The following KCNJ3 variants were observed in gnomAD, a reference collection of about 807,000 sequenced individuals.
KCNJ3 encodes the protein G protein-activated inward rectifier potassium channel 1.
KCNJ3 carries 4 observed loss-of-function variants against 39.2 expected under a neutral mutation model. The observed-to-expected ratio is 0.10, with a 90% confidence interval of 0.05 to 0.23. KCNJ3 has a LOEUF of 0.23. KCNJ3 is among the 10% of genes least tolerant of loss of function. The probability of loss-of-function intolerance (pLI) is 1.00; values close to 1 mark genes in which losing one functional copy is unlikely to be tolerated. For synonymous variants in KCNJ3, 230 were observed against 237.4 expected, an observed-to-expected ratio of 0.97 and a Z score of 0.29; for missense variants, 276 against 634.9, an observed-to-expected ratio of 0.43 and a Z score of 6.08.
At chr2:154,739,986 T>C (rs1440834257) in intron 2 of KCNJ3, among the ~76,000 whole-genome samples, 1 of 151,972 alleles carries the variant, frequency 6.6e-6, no homozygotes, top group Non-Finnish European at 1.5e-5. Flanking sequence ...GGTATAGAAA[T>C]GGAAAGGACT....
intron 2 of KCNJ3, among the ~76,000 whole-genome samples, chr2:154,838,887 A>ATAAT (rs1574481857): frequency 6.6e-6 from 1 of 151,800 alleles, no homozygotes; most frequent in South Asian, 2.1e-4. Flanking sequence ...GTTTTCCAAA[A>ATAAT]TAATTAAATT....
intron 2 of KCNJ3, among the ~76,000 whole-genome samples, chr2:154,802,646 C>A (rs1027734856): frequency 1.3e-5 from 2 of 152,118 alleles, no homozygotes; most frequent in African/African-American, 2.4e-5. Context: ...ATTCCCAGTT[C>A]TCTTTCATAT....
chr2:154,793,861 A>G (rs1686677872), intron 2 of KCNJ3, among the ~76,000 whole-genome samples: 2 of 152,076 alleles, frequency 1.3e-5, no homozygotes, highest in African/African-American at 2.4e-5. Context: ...GGGAATGGCT[A>G]TGGATTAAAT....
chr2:154,768,667 C>T (rs1467865768), intron 2 of KCNJ3, among the ~76,000 whole-genome samples: 9 of 152,078 alleles, frequency 5.9e-5, no homozygotes, highest in East Asian at 1.9e-4. Context: ...CTTGGCAATG[C>T]GGGCTCTTTT....
At chr2:154,749,573 G>T (rs1356290780) in intron 2 of KCNJ3, among the ~76,000 whole-genome samples, 2 of 152,020 alleles carry the variant, frequency 1.3e-5, no homozygotes, top group Non-Finnish European at 2.9e-5. Context: ...TGTACTGCAA[G>T]ATCATGCATT....
chr2:154,764,717 C>T (rs1471975133), intron 2 of KCNJ3, among the ~76,000 whole-genome samples: 2 of 151,926 alleles, frequency 1.3e-5, no homozygotes, highest in Admixed American at 6.6e-5. Flanking sequence ...AAAAAAAGAT[C>T]TGGGCATAAA....
chr2:154,768,708 T>A (rs1191793608), intron 2 of KCNJ3, among the ~76,000 whole-genome samples: 1 of 152,212 alleles, frequency 6.6e-6, no homozygotes, highest in East Asian at 1.9e-4. Context: ...AAGTAGTTTT[T>A]TCTAATTCTG....
chr2:154,810,836 T>C (rs1247595916), intron 2 of KCNJ3, among the ~76,000 whole-genome samples: 2 of 144,434 alleles, frequency 1.4e-5, no homozygotes, highest in Non-Finnish European at 3.1e-5. Flanking sequence ...GCTAAAGACA[T>C]ATCTAAATAC....
chr2:154,751,663 A>G (rs987772058), intron 2 of KCNJ3, among the ~76,000 whole-genome samples: 3 of 152,082 alleles, frequency 2.0e-5, no homozygotes, highest in African/African-American at 7.2e-5. Context: ...CTATTATAGT[A>G]GTTTGTTAGG....
intron 2 of KCNJ3, among the ~76,000 whole-genome samples, chr2:154,816,757 T>G (rs1687088830): frequency 6.6e-6 from 1 of 152,182 alleles, no homozygotes; most frequent in Non-Finnish European, 1.5e-5. Flanking sequence ...TAGGAAAAAC[T>G]GATTTTCCTG....
chr2:154,712,125 G>GT (rs1463863556), intron 2 of KCNJ3, among the ~76,000 whole-genome samples: 1 of 152,118 alleles, frequency 6.6e-6, no homozygotes, highest in African/African-American at 2.4e-5. Flanking sequence ...CATTTTGTTT[G>GT]TGTGTATGCC....
At chr2:154,750,357 A>G (rs2105181117) in intron 2 of KCNJ3, among the ~76,000 whole-genome samples, 1 of 152,126 alleles carries the variant, frequency 6.6e-6, no homozygotes, top group South Asian at 2.1e-4. Context: ...TAATATAATT[A>G]AAATATCTGT....
At chr2:154,793,613 A>G (rs933306438) in intron 2 of KCNJ3, among the ~76,000 whole-genome samples, 3 of 152,058 alleles carry the variant, frequency 2.0e-5, no homozygotes, top group African/African-American at 7.2e-5. Flanking sequence ...AGTGTTGTCT[A>G]AAGCTGTATC....
chr2:154,788,043 G>A (rs1445658), intron 2 of KCNJ3, among the ~76,000 whole-genome samples: 121,537 of 152,080 alleles, frequency 0.8, 49,249 homozygotes, highest in East Asian at 0.95. Context: ...AAATTAAGAA[G>A]TGGAACAGCT....
intron 2 of KCNJ3, among the ~76,000 whole-genome samples, chr2:154,810,157 C>T (rs1686984152): frequency 6.6e-6 from 1 of 152,142 alleles, no homozygotes; most frequent in African/African-American, 2.4e-5. Context: ...AATCTCGGCT[C>T]ACTGAGCCTT....
intron 2 of KCNJ3, among the ~76,000 whole-genome samples, chr2:154,719,245 A>G (rs1338299619): frequency 6.6e-6 from 1 of 152,200 alleles, no homozygotes; most frequent in Non-Finnish European, 1.5e-5. Flanking sequence ...TCCATCTAGC[A>G]ACTAGGAAAG....
At chr2:154,749,374 G>C (rs1685799652) in intron 2 of KCNJ3, among the ~76,000 whole-genome samples, 2 of 152,076 alleles carry the variant, frequency 1.3e-5, no homozygotes, top group Non-Finnish European at 2.9e-5. Flanking sequence ...GCTTCGTTAT[G>C]GTTCCTGCAG....
At chr2:154,761,225 CAGA>C (rs909336976) in intron 2 of KCNJ3, among the ~76,000 whole-genome samples, 5 of 151,766 alleles carry the variant, frequency 3.3e-5, no homozygotes, top group African/African-American at 1.2e-4. Context: ...TTGACTTTAA[CAGA>C]AGAAGTAGAG....
intron 2 of KCNJ3, among the ~76,000 whole-genome samples, chr2:154,758,368 G>A (rs1217600644): frequency 2.0e-5 from 3 of 152,102 alleles, no homozygotes; most frequent in Non-Finnish European, 4.4e-5. Context: ...ATTGCTATGA[G>A]GACCTCCCTC....
Sources: allele counts gnomAD v4.1 joint callset (sites outside exome capture counted in the v4.1 genomes callset), GRCh38; gene constraint gnomAD v4.1.1; transcripts MANE v1.5; gene names NCBI Gene and HGNC (gene_info 2026-07-23, HGNC 2026-07-21).